Variants in ANKRD18B observed in about 807,000 individuals in gnomAD.
The protein encoded by ANKRD18B is ankyrin repeat domain 18B.
In ANKRD18B, 75 loss-of-function variants were observed where a neutral mutation model predicts 111.8. The ratio of observed to expected loss-of-function variants is 0.67; its 90% CI spans 0.56 to 0.81. ANKRD18B has a LOEUF of 0.81. ANKRD18B is among the 40% of genes least tolerant of loss of function. ANKRD18B has a pLI of 0.00. For synonymous variants in ANKRD18B, 356 were observed against 417.3 expected (o/e 0.85, Z 1.79); for missense variants, 1,038 against 1,225.5 (o/e 0.85, Z 2.28).
At position 33,548,641 on chromosome 9, in the gene ANKRD18B, G is replaced by C. The variant is rs544682999; in HGVS notation, c.1853G>C (p.Arg618Pro). ...CAGAACTCTTCAGAGGAGAGAATAC[G>C]TCAACGAGAACTTGAAAATCTCTTG... ...GKQNSSEERI[R>P]QRELENLLLE... The change falls in exon 11 of 19, where the codon CGT (arginine) becomes CCT (proline). Residue 618 changes from arginine to proline, a missense_variant. Around this residue, in one of 4 missense-constraint regions of ANKRD18B, gnomAD observed 524 missense variants for 677.9 expected, o/e 0.77. Transcript: ENST00000684830. 1 of 1,551,174 alleles carries C rather than the reference G, an allele frequency of 6.4e-7. No individual in the cohort carries two copies. The highest frequency in any genetic ancestry group is 1.4e-5 in the African/African-American group (1 of 73,002).
chr9:33,543,072 C>G, intron 9 of ANKRD18B, 113 bp from the exon 10 acceptor site: 1 of 1,020,352 alleles, frequency 9.8e-7, no homozygotes, highest in Non-Finnish European at 1.4e-6. Flanking sequence ...CATTAAGCTT[C>G]ATTTAAATTC....
intron 12 of ANKRD18B, among the ~76,000 whole-genome samples, chr9:33,553,166 G>A (rs1828470944): frequency 6.7e-6 from 1 of 148,358 alleles, no homozygotes; most frequent in Non-Finnish European, 1.5e-5. Flanking sequence ...TTTGAGACCA[G>A]CCAGAGCAAT....
At chr9:33,536,272 G>A (rs1275864050) in intron 5 of ANKRD18B, among the ~76,000 whole-genome samples, 2 of 152,098 alleles carry the variant, frequency 1.3e-5, no homozygotes, top group Admixed American at 1.3e-4. Context: ...AAAATGCTCT[G>A]AACTACAAGC....
chr9:33,565,046 G>A (rs1400882816), intron 14 of ANKRD18B, among the ~76,000 whole-genome samples: 1 of 152,102 alleles, frequency 6.6e-6, no homozygotes, highest in Non-Finnish European at 1.5e-5. Context: ...TCTATCATTT[G>A]TTTGTTGCCT....
At chr9:33,530,547 A>AC (rs1491190522) in intron 3 of ANKRD18B, among the ~76,000 whole-genome samples, 3 of 150,974 alleles carry the variant, frequency 2.0e-5, no homozygotes, top group African/African-American at 7.3e-5. Context: ...AAAAAAAAAA[A>AC]ACCTCAGTGT....
intron 9 of ANKRD18B, 25 bp from the exon 10 acceptor site, chr9:33,543,160 A>G: frequency 6.5e-7 from 1 of 1,534,164 alleles, no homozygotes; most frequent in Non-Finnish European, 8.8e-7. Context: ...ATTCATTTTA[A>G]CTAAACATAT....
chr9:33,532,255 C>T (rs1330294887), intron 3 of ANKRD18B, among the ~76,000 whole-genome samples: 2 of 151,886 alleles, frequency 1.3e-5, no homozygotes, highest in Non-Finnish European at 2.9e-5. Context: ...AAAAAAAGTG[C>T]AAGTGACTTA....
At chr9:33,527,304 T>TC (rs1828037888) in intron 1 of ANKRD18B, among the ~76,000 whole-genome samples, 1 of 136,550 alleles carries the variant, frequency 7.3e-6, no homozygotes, top group East Asian at 2.2e-4. Context: ...GCTTCATGTT[T>TC]CTTTTTTTGT....
Position 33,547,927 on chromosome 9 carries a change from G to C in ANKRD18B, c.1150-11G>C. 1 of 1,403,860 alleles carries C rather than the reference G, an allele frequency of 7.1e-7. No individual in the cohort carries two copies. Among genetic ancestry groups the C allele is most frequent in the Non-Finnish European group, 9.3e-7 (1 of 1,074,794 alleles). 87.0% of individuals were successfully genotyped at this position (1,403,860 alleles called of 1,614,324 possible). On this transcript the variant is annotated splice_polypyrimidine_tract_variant and intron_variant, in intron 10 of 18. Coordinates refer to ENST00000684830, the MANE Select transcript of ANKRD18B (RefSeq NM_001393611.1). ...TGAGTGCTAACTAAAAATTTGTTTTGTTTTATTTAGGATTCTCAAAGTTAT... is the reference window on the plus strand; with the variant it reads ...TGAGTGCTAACTAAAAATTTGTTTTCTTTTATTTAGGATTCTCAAAGTTAT...
intron 12 of ANKRD18B, among the ~76,000 whole-genome samples, chr9:33,551,980 A>C (rs141145299): frequency 0.07 from 10,615 of 152,288 alleles, 427 homozygotes; most frequent in South Asian, 0.11. Context: ...TTTGACATGG[A>C]TTTTAATTTT....
At chr9:33,543,617 T>C (rs1476977259) in intron 10 of ANKRD18B, among the ~76,000 whole-genome samples, 8 of 152,164 alleles carry the variant, frequency 5.3e-5, no homozygotes, top group African/African-American at 1.7e-4. Flanking sequence ...GTTCACCTCA[T>C]GTGAAAGGAG....
At chr9:33,575,024 G>A (rs1587283104), downstream of ANKRD18B, among the ~76,000 whole-genome samples, 2 of 152,176 alleles carry the variant, frequency 1.3e-5, no homozygotes, top group African/African-American at 4.8e-5. Context: ...AGGTGAGTGG[G>A]ACCTGCTCTC....
intron 1 of ANKRD18B, among the ~76,000 whole-genome samples, chr9:33,526,368 T>G (rs1181134269): frequency 6.6e-6 from 1 of 152,198 alleles, no homozygotes; most frequent in East Asian, 1.9e-4. Flanking sequence ...TATGTGAAGA[T>G]GCATTTTGTT....
At chr9:33,546,161 AC>A (rs1432764445) in intron 10 of ANKRD18B, among the ~76,000 whole-genome samples, 3 of 152,226 alleles carry the variant, frequency 2.0e-5, no homozygotes, top group Non-Finnish European at 4.4e-5. Context: ...AAATGGTAAT[AC>A]AGTGGGAGGA....
intron 14 of ANKRD18B, among the ~76,000 whole-genome samples, chr9:33,560,676 G>C (rs1367524125): frequency 6.6e-6 from 1 of 152,132 alleles, no homozygotes. Context: ...TAATGCTGCT[G>C]TAGGCCAGGG....
chr9:33,532,554 C>A lies in ANKRD18B; in HGVS notation c.496-885C>A, dbSNP rs146979973. 1.3e-4 allele frequency among the ~76,000 whole-genome samples: 20 copies of A among 152,310 alleles called. No individual in the cohort carries two copies. In the East Asian group the frequency reaches 3.7e-3, roughly 28 times the overall value. On this transcript the variant is annotated intron_variant, in intron 3 of 18. Coordinates refer to ENST00000684830, the MANE Select transcript of ANKRD18B (RefSeq NM_001393611.1). ...TCTTACACAGAATATACTGAGCTTTCTAATAGTTAAGATAAAAATCTATCC... is the reference window on the plus strand; with the variant it reads ...TCTTACACAGAATATACTGAGCTTTATAATAGTTAAGATAAAAATCTATCC...
rs1473290773 is a variant in ANKRD18B at position 33,541,204 on chromosome 9, A to T, written c.1055A>T (p.Lys352Ile). Residue 352 changes from lysine (K) to isoleucine (I), a missense_variant, in exon 9 of 19, where the codon AAA (lysine) becomes ATA (isoleucine). Lys to Ile is a moderately radical substitution (Grantham distance 102). Around this residue, in one of 4 missense-constraint regions of ANKRD18B, gnomAD observed 205 missense variants for 201.3 expected, o/e 1.02. Coordinates refer to ENST00000684830, the MANE Select transcript of ANKRD18B (RefSeq NM_001393611.1). Reference sequence around the variant, plus strand: ...AAAAGAAAAAAAAGAAAAAAATTGAAAAAAAGAAAAGAAGGTGCAAAAGGT... The same window carrying T: ...AAAAGAAAAAAAAGAAAAAAATTGATAAAAAGAAAAGAAGGTGCAAAAGGT... ...LKKRKKRKKL[K>I]KRKEGAKEHN... 2 of 1,546,370 alleles carry T rather than the reference A, an allele frequency of 1.3e-6. No individual in the cohort carries two copies. Among genetic ancestry groups the T allele is most frequent in the Non-Finnish European group, 1.7e-6 (2 of 1,145,814 alleles).
chr9:33,532,212 C>T (rs1157468037), intron 3 of ANKRD18B, among the ~76,000 whole-genome samples: 9 of 151,404 alleles, frequency 5.9e-5, no homozygotes, highest in Middle Eastern at 3.4e-3. Flanking sequence ...CCAGCCTGGG[C>T]GACAGTGTGA....
intron 14 of ANKRD18B, among the ~76,000 whole-genome samples, chr9:33,563,022 C>A (rs910906366): frequency 2.6e-5 from 4 of 152,072 alleles, no homozygotes; most frequent in African/African-American, 9.7e-5. Context: ...AAGGAGACAC[C>A]CTTGCCTTAT....
Sources: gnomAD v4.1 joint callset for allele counts (sites outside exome capture counted in the v4.1 genomes callset) on GRCh38, gnomAD v4.1.1 for gene constraint, gnomAD v4.1.1 regional missense constraint, MANE v1.5 for transcripts, NCBI Gene and HGNC (gene_info 2026-07-23, HGNC 2026-07-21) for gene names.